Variants in FSD1L observed in about 807,000 individuals in gnomAD.
FSD1L encodes FSD1-like protein.
FSD1L carries 45 observed loss-of-function variants against 71.6 expected under a neutral mutation model. That is an observed-to-expected ratio of 0.63 (90% confidence interval 0.49 to 0.81). The LOEUF is 0.81. Among genes scored for constraint, FSD1L ranks in the 30% least tolerant of loss-of-function variants. The pLI is 0.00. For synonymous variants in FSD1L, 197 were observed against 207.2 expected, an observed-to-expected ratio of 0.95 and a Z score of 0.42; for missense variants, 561 against 618.1, an observed-to-expected ratio of 0.91 and a Z score of 0.98.
intron 7 of FSD1L, among the ~76,000 whole-genome samples, chr9:105,494,128 TC>T (rs1346141127): frequency 1.3e-5 from 2 of 152,222 alleles, no homozygotes; most frequent in African/African-American, 4.8e-5. Flanking sequence ...CCCGTCACTT[TC>T]AGGTACACCA....
intron 7 of FSD1L, among the ~76,000 whole-genome samples, chr9:105,493,121 T>A (rs1453473214): frequency 4.6e-5 from 7 of 152,112 alleles, no homozygotes; most frequent in African/African-American, 9.7e-5. Flanking sequence ...CCCATTATTA[T>A]TGTGTGGGAG....
Position 105,535,209 on chromosome 9 carries a change from T to C in FSD1L, c.1269T>C (p.His423=). 1 of 1,552,004 alleles carries C rather than the reference T, an allele frequency of 6.4e-7. No individual in the cohort carries two copies. The highest frequency in any genetic ancestry group is 1.2e-5 in the South Asian group (1 of 84,060). ...AGACAAACACTAGTTGGTGTATCCA[T>C]GTCAACAACTGGCTACAAAACACAT... ...LGKTNTSWCI[H]VNNWLQNTFA... is the part of the protein sequence containing the mutation. Residue 423 remains histidine (H), a synonymous_variant, in exon 12 of 14, where the codon CAT becomes CAC. Coordinates refer to ENST00000481272, the MANE Select transcript of FSD1L (RefSeq NM_001145313.3).
At chr9:105,469,985 C>T (rs562577997) in intron 4 of FSD1L, among the ~76,000 whole-genome samples, 3 of 152,122 alleles carry the variant, frequency 2.0e-5, no homozygotes, top group East Asian at 1.9e-4. Context: ...TGTGGATATT[C>T]GGTTTTCCTA....
At chr9:105,459,603 A>T (rs1216896096) in intron 1 of FSD1L, among the ~76,000 whole-genome samples, 1 of 152,212 alleles carries the variant, frequency 6.6e-6, no homozygotes, top group Non-Finnish European at 1.5e-5. Flanking sequence ...TTCCTCCTTT[A>T]AGCTTAGAAA....
chr9:105,481,117 C>T (rs1421324457), intron 6 of FSD1L, among the ~76,000 whole-genome samples: 1 of 137,988 alleles, frequency 7.2e-6, no homozygotes, highest in Non-Finnish European at 1.5e-5. Flanking sequence ...CAGGTGATCT[C>T]AGGAATTAGG....
intron 1 of FSD1L, among the ~76,000 whole-genome samples, chr9:105,460,437 A>G (rs1182562115): frequency 6.6e-6 from 1 of 151,916 alleles, no homozygotes; most frequent in Non-Finnish European, 1.5e-5. Context: ...CAAAAAATAC[A>G]AAAAATTAGC....
At chr9:105,523,826 C>G (rs1835336117) in intron 10 of FSD1L, 2 of 1,597,940 alleles carry the variant, frequency 1.3e-6, no homozygotes, top group East Asian at 4.5e-5. Context: ...TCAATACAAT[C>G]ATCAAACACT....
At chr9:105,443,839 T>C (rs1035845008), upstream of FSD1L, among the ~76,000 whole-genome samples, 5 of 152,182 alleles carry the variant, frequency 3.3e-5, no homozygotes, top group Admixed American at 2.0e-4. Flanking sequence ...GCTCACTACA[T>C]GCCAGACACT....
chr9:105,503,291 CTT>C (rs1833875496), intron 7 of FSD1L, among the ~76,000 whole-genome samples: 1 of 152,032 alleles, frequency 6.6e-6, no homozygotes, highest in African/African-American at 2.4e-5. Flanking sequence ...ATCAAATTAA[CTT>C]ATAAAATGAA....
intron 1 of FSD1L, among the ~76,000 whole-genome samples, chr9:105,453,178 A>T (rs1021921023): frequency 6.8e-6 from 1 of 147,202 alleles, no homozygotes; most frequent in East Asian, 2.0e-4. Context: ...TCACTATTTT[A>T]ATTTTAATTT....
At chr9:105,478,033 A>G (rs1374338759) in intron 5 of FSD1L, among the ~76,000 whole-genome samples, 1 of 152,118 alleles carries the variant, frequency 6.6e-6, no homozygotes, top group East Asian at 1.9e-4. Flanking sequence ...TCACGAGGTC[A>G]GGAGATCAAG....
At chr9:105,528,182 G>C (rs942063276) in intron 10 of FSD1L, among the ~76,000 whole-genome samples, 2 of 152,124 alleles carry the variant, frequency 1.3e-5, no homozygotes, top group African/African-American at 4.8e-5. Context: ...TCATGGATAG[G>C]AATAATCAAT....
chr9:105,525,565 G>C, intron 10 of FSD1L: 1 of 1,612,716 alleles, frequency 6.2e-7, no homozygotes, highest in Non-Finnish European at 8.5e-7. Context: ...TAGTATATTG[G>C]GAATGAATTC....
At chr9:105,481,640 T>G (rs1004229656) in intron 6 of FSD1L, among the ~76,000 whole-genome samples, 3 of 152,160 alleles carry the variant, frequency 2.0e-5, no homozygotes, top group African/African-American at 7.2e-5. Context: ...ATGTTCAGGT[T>G]TCTCTGATGT....
intron 5 of FSD1L, among the ~76,000 whole-genome samples, chr9:105,477,819 G>A (rs1354228155): frequency 6.6e-6 from 1 of 152,142 alleles, no homozygotes; most frequent in Non-Finnish European, 1.5e-5. Flanking sequence ...TGTTTGTGTA[G>A]CACGTGGGAA....
chr9:105,463,372 A>G (rs535535200), intron 2 of FSD1L, among the ~76,000 whole-genome samples: 10 of 152,334 alleles, frequency 6.6e-5, no homozygotes, highest in African/African-American at 2.2e-4. Context: ...TTTTTCTGAG[A>G]CTATAAATAA....
intron 10 of FSD1L, chr9:105,524,693 C>T: frequency 1.2e-6 from 2 of 1,613,966 alleles, no homozygotes; most frequent in Non-Finnish European, 1.7e-6. Flanking sequence ...GCTCTCCTGA[C>T]TCAGAACGAT....
At chr9:105,474,233 T>C (rs1767186118) in intron 5 of FSD1L, among the ~76,000 whole-genome samples, 1 of 152,160 alleles carries the variant, frequency 6.6e-6, no homozygotes, top group African/African-American at 2.4e-5. Flanking sequence ...CTGTAGGCAA[T>C]TGCAATACAG....
At chr9:105,540,906 T>C (rs1035190578) in intron 13 of FSD1L, among the ~76,000 whole-genome samples, 5 of 152,144 alleles carry the variant, frequency 3.3e-5, no homozygotes, top group Non-Finnish European at 7.4e-5. Flanking sequence ...ATAGGTTAGG[T>C]TCCCGTGGGG....
Sources: gnomAD v4.1 joint callset for allele counts (sites outside exome capture counted in the v4.1 genomes callset) on GRCh38, gnomAD v4.1.1 for gene constraint, MANE v1.5 for transcripts, NCBI Gene and HGNC (gene_info 2026-07-23, HGNC 2026-07-21) for gene names.